The following GABRB3 variants were observed in gnomAD, a reference collection of about 807,000 sequenced individuals.
The protein encoded by GABRB3 is gamma-aminobutyric acid type A receptor subunit beta3.
Under a neutral mutation model 52.1 loss-of-function variants are expected in GABRB3, and 14 were observed. The ratio of observed to expected loss-of-function variants is 0.27; its 90% CI spans 0.18 to 0.42. The LOEUF (loss-of-function observed/expected upper bound fraction) is 0.42, where lower values mean the gene tolerates loss of function less well. GABRB3 is among the 10% of genes least tolerant of loss of function. GABRB3 has a pLI of 1.00. For missense variants in GABRB3, 307 were observed against 609.1 expected (o/e 0.50, Z 5.22); for synonymous variants, 260 against 232.3 (o/e 1.12, Z -1.08).
At chr15:26,655,518 G>A (rs962111469) in intron 3 of GABRB3, among the ~76,000 whole-genome samples, 5 of 152,012 alleles carry the variant, frequency 3.3e-5, no homozygotes, top group African/African-American at 7.2e-5. Context: ...CAAGGCAGGC[G>A]GATCACGAGG....
chr15:26,572,052 A>G (rs887896241), intron 6 of GABRB3, among the ~76,000 whole-genome samples: 20 of 148,608 alleles, frequency 1.3e-4, no homozygotes, highest in African/African-American at 2.6e-4. Flanking sequence ...CTCAAGAAAA[A>G]AAAAAAAAAA....
At position 26,544,436 on chromosome 15, in the gene GABRB3, T is replaced by C. The variant is rs1422345313; in HGVS notation, c.*3357A>G. 6.6e-6 allele frequency: 1 copy of C among 152,518 alleles called. No homozygotes were observed. Among genetic ancestry groups the C allele is most frequent in the Non-Finnish European group, 1.5e-5 (1 of 68,038 alleles). 9.4% of individuals were successfully genotyped at this position (152,518 alleles called of 1,614,324 possible). Reference sequence around the variant, plus strand: ...AGGGAGTGACTGAACATGTCAAAGTTCTGGGTGCTGGCGTTAAAAACACAA... The same window carrying C: ...AGGGAGTGACTGAACATGTCAAAGTCCTGGGTGCTGGCGTTAAAAACACAA... On this transcript the variant is annotated 3_prime_UTR_variant, in exon 9 of 9. Transcript: ENST00000311550.
intron 4 of GABRB3, among the ~76,000 whole-genome samples, chr15:26,611,012 A>C (rs1416913067): frequency 6.6e-6 from 1 of 152,218 alleles, no homozygotes; most frequent in Admixed American, 6.5e-5. Context: ...GATTTAATGA[A>C]AACAGCCGAA....
rs535234931 is a variant in GABRB3, at chr15:26,706,805, A to G, written c.240+65597T>C. ...TTCAACAAAAATTCTTTAAGCCATTATGCCCTAAATCTGTACACAGATATT... is the reference window on the plus strand; with the variant it reads ...TTCAACAAAAATTCTTTAAGCCATTGTGCCCTAAATCTGTACACAGATATT... On this transcript the variant is annotated intron_variant, in intron 3 of 8. Coordinates refer to ENST00000311550, the MANE Select transcript of GABRB3 (RefSeq NM_000814.6). Among the ~76,000 whole-genome samples, 7 of 152,348 alleles carry G rather than the reference A, an allele frequency of 4.6e-5. No individual in the cohort carries two copies. In the South Asian group the frequency reaches 1.4e-3, roughly 32 times the overall value.
intron 3 of GABRB3, among the ~76,000 whole-genome samples, chr15:26,655,279 A>G (rs1176810686): frequency 1.3e-5 from 2 of 152,194 alleles, no homozygotes; most frequent in Non-Finnish European, 2.9e-5. Context: ...TTATTATGTG[A>G]AAATCTGTCT....
At chr15:26,650,203 T>C (rs1185515487) in intron 3 of GABRB3, among the ~76,000 whole-genome samples, 1 of 152,212 alleles carries the variant, frequency 6.6e-6, no homozygotes, top group Non-Finnish European at 1.5e-5. Flanking sequence ...AAGGCTCACA[T>C]TGTTATCACA....
intron 3 of GABRB3, among the ~76,000 whole-genome samples, chr15:26,731,170 A>C (rs1044860121): frequency 6.6e-6 from 1 of 152,246 alleles, no homozygotes; most frequent in African/African-American, 2.4e-5. Flanking sequence ...TTTAAAAATG[A>C]GATCACTTTA....
intron 3 of GABRB3, among the ~76,000 whole-genome samples, chr15:26,672,579 T>C (rs190504930): frequency 9.2e-5 from 14 of 152,298 alleles, no homozygotes; most frequent in Admixed American, 7.8e-4. Context: ...GGCCTTTTCT[T>C]CTGTTCACCT....
At chr15:26,604,108 A>G (rs1891687876) in intron 4 of GABRB3, among the ~76,000 whole-genome samples, 1 of 152,136 alleles carries the variant, frequency 6.6e-6, no homozygotes, top group African/African-American at 2.4e-5. Flanking sequence ...AACAAGTAGC[A>G]CTTCTATATG....
At chr15:26,730,603 C>A (rs1889886438) in intron 3 of GABRB3, among the ~76,000 whole-genome samples, 1 of 152,022 alleles carries the variant, frequency 6.6e-6, no homozygotes, top group Non-Finnish European at 1.5e-5. Flanking sequence ...GGGGCTGGGT[C>A]CTTAGGACCA....
rs1299982047 is a variant in GABRB3 at position 26,556,743 on chromosome 15, C to T, written c.1080+4189G>A. 2.0e-5 allele frequency among the ~76,000 whole-genome samples: 3 copies of T among 152,100 alleles called. No homozygotes were observed. In the East Asian group the frequency reaches 5.8e-4, roughly 29 times the overall value. ...GCATAAATACTAAATATAAGGAAAACCTACTCATGGTTTTACAGTAGGGTC... is the reference window on the plus strand; with the variant it reads ...GCATAAATACTAAATATAAGGAAAATCTACTCATGGTTTTACAGTAGGGTC... On this transcript the variant is annotated intron_variant, in intron 8 of 8. Coordinates refer to ENST00000311550, the MANE Select transcript of GABRB3 (RefSeq NM_000814.6).
At chr15:26,591,525 C>T (rs969754943) in intron 4 of GABRB3, among the ~76,000 whole-genome samples, 15 of 152,106 alleles carry the variant, frequency 9.9e-5, no homozygotes, top group Admixed American at 4.6e-4. Context: ...TTTGGCAACA[C>T]GCTACACAAA....
At position 26,688,428 on chromosome 15, in the gene GABRB3, A is replaced by G. The variant is rs182402740; in HGVS notation, c.241-66894T>C. On this transcript the variant is annotated intron_variant, in intron 3 of 8. Transcript: ENST00000311550. ...ACCAGCATTTTACAATTATCTGTCC[A>G]TGGATTAAGCTTCTAGGACTCTATG... 4.3e-3 allele frequency among the ~76,000 whole-genome samples: 652 copies of G among 152,288 alleles called. 3 individuals are homozygous for G. Among genetic ancestry groups the G allele is most frequent in the African/African-American group, 0.015 (623 of 41,552 alleles).
At chr15:26,553,770 G>A (rs549470530) in intron 8 of GABRB3, among the ~76,000 whole-genome samples, 21 of 151,978 alleles carry the variant, frequency 1.4e-4, no homozygotes, top group African/African-American at 4.8e-4. Flanking sequence ...GGAGCACAAA[G>A]TGAACACAAG....
At chr15:26,641,480 G>A (rs995824626) in intron 3 of GABRB3, among the ~76,000 whole-genome samples, 7 of 152,266 alleles carry the variant, frequency 4.6e-5, no homozygotes, top group Non-Finnish European at 1.0e-4. Flanking sequence ...GACACTAAAG[G>A]AGAAGGGTGC....
chr15:26,660,870 G>A (rs559264824), intron 3 of GABRB3, among the ~76,000 whole-genome samples: 2 of 152,286 alleles, frequency 1.3e-5, no homozygotes, highest in East Asian at 1.9e-4. Context: ...ACAGGGTCTC[G>A]CTCTGTCGCC....
At chr15:26,759,341 G>A (rs1476709989) in intron 3 of GABRB3, among the ~76,000 whole-genome samples, 1 of 152,082 alleles carries the variant, frequency 6.6e-6, no homozygotes, top group South Asian at 2.1e-4. Flanking sequence ...GGCAACCTCC[G>A]CCTCCCGGGT....
intron 3 of GABRB3, among the ~76,000 whole-genome samples, chr15:26,759,795 A>T (rs1195199307): frequency 6.6e-6 from 1 of 152,218 alleles, no homozygotes; most frequent in African/African-American, 2.4e-5. Context: ...AAAATGTTCT[A>T]AAAAACCTGA....
In GABRB3 at chr15:26,726,422, C is replaced by A. The variant is rs532167849; in HGVS notation, c.240+45980G>T. On this transcript the variant is annotated intron_variant, in intron 3 of 8. Transcript: ENST00000311550. ...TAATTCACAAGTCTTATTTGAATGT[C>A]ACTGATAGTTCCACGTTAGTTCCTT... 3.3e-5 allele frequency among the ~76,000 whole-genome samples: 5 copies of A among 152,292 alleles called. No homozygotes were observed. The South Asian group carries it at 1.0e-3, about 32-fold the overall frequency.
Sources: allele counts gnomAD v4.1 joint callset (sites outside exome capture counted in the v4.1 genomes callset), GRCh38; gene constraint gnomAD v4.1.1; transcripts MANE v1.5; gene names NCBI Gene and HGNC (gene_info 2026-07-23, HGNC 2026-07-21).